Variants in LHFPL3 observed in about 807,000 individuals in gnomAD.
LHFPL3 encodes LHFPL tetraspan subfamily member 3 protein.
Under a neutral mutation model 19.3 loss-of-function variants are expected in LHFPL3, and 5 were observed. That is an observed-to-expected ratio of 0.26 (90% confidence interval 0.14 to 0.54). LHFPL3 has a LOEUF of 0.54. Among genes scored for constraint, LHFPL3 ranks in the 20% least tolerant of loss-of-function variants. LHFPL3 has a pLI of 0.94. For missense variants in LHFPL3, 249 were observed against 307.4 expected (o/e 0.81, Z 1.42); for synonymous variants, 133 against 126.2 (o/e 1.05, Z -0.36).
At chr7:104,820,000 C>T (rs995586130) in intron 2 of LHFPL3, among the ~76,000 whole-genome samples, 3 of 152,196 alleles carry the variant, frequency 2.0e-5, no homozygotes, top group African/African-American at 4.8e-5. Context: ...AACTCTGTCT[C>T]TGTTCTATTT....
chr7:104,506,320 G>A (rs1043309795), intron 1 of LHFPL3, among the ~76,000 whole-genome samples: 4 of 149,640 alleles, frequency 2.7e-5, no homozygotes, highest in Non-Finnish European at 5.9e-5. Context: ...TTATTCCATC[G>A]CTGAACTCCT....
chr7:104,551,787 G>T (rs867918710), intron 1 of LHFPL3, among the ~76,000 whole-genome samples: 1 of 152,166 alleles, frequency 6.6e-6, no homozygotes, highest in Non-Finnish European at 1.5e-5. Flanking sequence ...TTATGGAAAT[G>T]CTGGATAGTT....
intron 1 of LHFPL3, among the ~76,000 whole-genome samples, chr7:104,420,620 C>T (rs1377249083): frequency 5.4e-5 from 7 of 128,792 alleles, no homozygotes; most frequent in East Asian, 2.3e-4. Flanking sequence ...AGTGCAGTGG[C>T]GCGATCTCGG....
chr7:104,398,422 A>G (rs918385614), intron 1 of LHFPL3, among the ~76,000 whole-genome samples: 2 of 152,200 alleles, frequency 1.3e-5, no homozygotes, highest in Non-Finnish European at 2.9e-5. Flanking sequence ...TTCTATCTCA[A>G]TCATTTTCTT....
chr7:104,352,299 A>T (rs575885508), intron 1 of LHFPL3, among the ~76,000 whole-genome samples: 1 of 152,282 alleles, frequency 6.6e-6, no homozygotes, highest in East Asian at 1.9e-4. Context: ...TATGTAAATT[A>T]TTACCATTAC....
intron 1 of LHFPL3, among the ~76,000 whole-genome samples, chr7:104,667,264 T>TGTGGG (rs56664847): frequency 0.028 from 4,139 of 148,080 alleles, 92 homozygotes; most frequent in East Asian, 0.072. Context: ...TCTGTTTTCT[T>TGTGGG]GGGGGGGGGA....
chr7:104,374,652 T>G (rs1019903886), intron 1 of LHFPL3, among the ~76,000 whole-genome samples: 47 of 152,110 alleles, frequency 3.1e-4, no homozygotes, highest in African/African-American at 1.1e-3. Flanking sequence ...GGGGGTTGCC[T>G]GGGGTGTTAG....
At chr7:104,476,871 C>G (rs1226572947) in intron 1 of LHFPL3, among the ~76,000 whole-genome samples, 64 of 152,180 alleles carry the variant, frequency 4.2e-4, no homozygotes, top group Non-Finnish European at 1.3e-4. Context: ...TCCATAGAAG[C>G]ACGTATCAGG....
intron 1 of LHFPL3, among the ~76,000 whole-genome samples, chr7:104,417,197 G>A (rs1199654233): frequency 1.3e-5 from 2 of 152,006 alleles, no homozygotes; most frequent in South Asian, 2.1e-4. Context: ...ATTTTACATC[G>A]TGACATTTGT....
chr7:104,467,098 G>A (rs951581282), intron 1 of LHFPL3, among the ~76,000 whole-genome samples: 2 of 151,932 alleles, frequency 1.3e-5, no homozygotes, highest in East Asian at 3.9e-4. Flanking sequence ...TCCTTTACTT[G>A]CATCTATGAA....
intron 1 of LHFPL3, among the ~76,000 whole-genome samples, chr7:104,381,371 C>G (rs7789208): frequency 0.015 from 2,316 of 152,256 alleles, 68 homozygotes; most frequent in African/African-American, 0.053. Flanking sequence ...AGTTTTTCTT[C>G]TCCATATTTC....
At chr7:104,378,100 T>A (rs1280822820) in intron 1 of LHFPL3, among the ~76,000 whole-genome samples, 1 of 152,238 alleles carries the variant, frequency 6.6e-6, no homozygotes, top group Non-Finnish European at 1.5e-5. Context: ...GAGTTTTATT[T>A]CATTTTTTCA....
chr7:104,653,452 C>T (rs892757235), intron 1 of LHFPL3, among the ~76,000 whole-genome samples: 10 of 152,182 alleles, frequency 6.6e-5, no homozygotes, highest in Admixed American at 6.5e-4. Flanking sequence ...AGGCAATGCT[C>T]AAAACCAGGG....
intron 1 of LHFPL3, among the ~76,000 whole-genome samples, chr7:104,617,359 G>A (rs1791366779): frequency 6.6e-6 from 1 of 151,982 alleles, no homozygotes; most frequent in Admixed American, 6.6e-5. Flanking sequence ...ACAAGATAAA[G>A]TCTTTCATAT....
At chr7:104,842,018 C>T (rs1428973998) in intron 2 of LHFPL3, among the ~76,000 whole-genome samples, 1 of 151,814 alleles carries the variant, frequency 6.6e-6, no homozygotes, top group Non-Finnish European at 1.5e-5. Context: ...TCATCCTCCC[C>T]CTCCTCTCCT....
chr7:104,480,657 G>A (rs1444297660), intron 1 of LHFPL3, among the ~76,000 whole-genome samples: 6 of 151,940 alleles, frequency 3.9e-5, no homozygotes, highest in Non-Finnish European at 8.8e-5. Flanking sequence ...TTAAGTGTCT[G>A]GAAAAAAAAT....
chr7:104,715,988 T>G (rs1444015241), intron 1 of LHFPL3, among the ~76,000 whole-genome samples: 1 of 152,166 alleles, frequency 6.6e-6, no homozygotes, highest in Non-Finnish European at 1.5e-5. Context: ...TTTAAATGTA[T>G]GGTAGAATTC....
intron 1 of LHFPL3, among the ~76,000 whole-genome samples, chr7:104,688,815 G>A (rs1792852485): frequency 6.6e-6 from 1 of 152,120 alleles, no homozygotes; most frequent in Non-Finnish European, 1.5e-5. Flanking sequence ...CAAAAGAACT[G>A]CTTGAGTTTT....
chr7:104,335,141 C>T (rs1789769446), intron 1 of LHFPL3, among the ~76,000 whole-genome samples: 1 of 151,430 alleles, frequency 6.6e-6, no homozygotes, highest in African/African-American at 2.4e-5. Context: ...CAGGTGTAGA[C>T]TCAGTGTTCA....
Sources: gnomAD v4.1 joint callset for allele counts (sites outside exome capture counted in the v4.1 genomes callset) on GRCh38, gnomAD v4.1.1 for gene constraint, MANE v1.5 for transcripts, NCBI Gene and HGNC (gene_info 2026-07-23, HGNC 2026-07-21) for gene names.